Variants in GABRR1 observed in about 807,000 individuals in gnomAD.
GABRR1 encodes the protein gamma-aminobutyric acid receptor subunit rho-1.
A neutral mutation model predicts 55.5 loss-of-function variants in GABRR1; 59 were observed. That is an observed-to-expected ratio of 1.06 (90% confidence interval 0.86 to 1.32). The LOEUF is 1.32. GABRR1 is among the 40% of genes most tolerant of loss of function. The pLI, the probability that GABRR1 is intolerant of heterozygous loss-of-function variation, is 0.00. For synonymous variants in GABRR1, 213 were observed against 226.0 expected, an observed-to-expected ratio of 0.94 and a Z score of 0.51; for missense variants, 602 against 619.1, an observed-to-expected ratio of 0.97 and a Z score of 0.29.
intron 4 of GABRR1, among the ~76,000 whole-genome samples, chr6:89,199,161 G>C (rs561210292): frequency 2.8e-4 from 42 of 152,266 alleles, no homozygotes; most frequent in East Asian, 2.7e-3. Flanking sequence ...AGTGAGAAAG[G>C]TTAAGCTTGT....
chr6:89,209,814 C>T (rs1429126140), intron 1 of GABRR1, among the ~76,000 whole-genome samples: 1 of 152,128 alleles, frequency 6.6e-6, no homozygotes, highest in African/African-American at 2.4e-5. Context: ...GGGCAGGTTA[C>T]CTGATCTTTC....
At chr6:89,183,452 G>A (rs1048421067) in intron 7 of GABRR1, among the ~76,000 whole-genome samples, 1 of 151,986 alleles carries the variant, frequency 6.6e-6, no homozygotes. Flanking sequence ...GGAAGACCAT[G>A]GGGTACTTAA....
intron 3 of GABRR1, among the ~76,000 whole-genome samples, chr6:89,200,360 TGCCTCA>T (rs1772428479): frequency 6.7e-6 from 1 of 148,554 alleles, no homozygotes; most frequent in African/African-American, 2.5e-5. Context: ...GCAATTCTCC[TGCCTCA>T]GCCTCCTGAA....
At chr6:89,209,151 T>TA (rs149738093) in intron 1 of GABRR1, among the ~76,000 whole-genome samples, 26,594 of 151,588 alleles carry the variant, frequency 0.18, 2,926 homozygotes, top group African/African-American at 0.31. Context: ...GTTGCGGGCT[T>TA]AAAAAAAAAT....
At chr6:89,187,158 T>C (rs1771928905) in intron 6 of GABRR1, among the ~76,000 whole-genome samples, 2 of 152,072 alleles carry the variant, frequency 1.3e-5, no homozygotes. Context: ...TGCATGTGGA[T>C]CATTTTATAC....
intron 3 of GABRR1, among the ~76,000 whole-genome samples, chr6:89,199,984 T>C (rs912983760): frequency 6.6e-6 from 1 of 152,144 alleles, no homozygotes; most frequent in Non-Finnish European, 1.5e-5. Context: ...TTCTGGGCCA[T>C]ACGGACTAAA....
chr6:89,207,722 G>A lies in GABRR1; in HGVS notation c.123-4237C>T, dbSNP rs796338919. 1.9e-4 allele frequency among the ~76,000 whole-genome samples: 29 copies of A among 152,308 alleles called. 1 individual carries two copies. The highest frequency in any genetic ancestry group is 7.0e-4 in the African/African-American group (29 of 41,578). ...AGCTTAAAAAATCCCAGGCCACAGA[G>A]CAGACCAATTAAATCAGAACCTCTA... On this transcript the variant is annotated intron_variant, in intron 1 of 9. Coordinates refer to ENST00000454853, the MANE Select transcript of GABRR1 (RefSeq NM_002042.5).
chr6:89,226,012 C>A (rs1380006485), intron 1 of GABRR1, among the ~76,000 whole-genome samples: 1 of 151,424 alleles, frequency 6.6e-6, no homozygotes, highest in Non-Finnish European at 1.5e-5. Context: ...TCTCTGATGG[C>A]CAGTGATGAT....
At chr6:89,182,161 A>C in intron 7 of GABRR1, 104 bp from the exon 8 acceptor site, 1 of 1,062,344 alleles carries the variant, frequency 9.4e-7, no homozygotes, top group Admixed American at 2.3e-5. Context: ...ATGGACTCTT[A>C]TCATGTCTTT....
upstream of GABRR1, among the ~76,000 whole-genome samples, chr6:89,219,351 G>A (rs1184131512): frequency 6.6e-6 from 1 of 152,136 alleles, no homozygotes; most frequent in Non-Finnish European, 1.5e-5. Flanking sequence ...AGCTAATTTG[G>A]AATCATTCAA....
intron 1 of GABRR1, among the ~76,000 whole-genome samples, chr6:89,214,808 T>G (rs1772937353): frequency 6.6e-6 from 1 of 152,112 alleles, no homozygotes; most frequent in Non-Finnish European, 1.5e-5. Flanking sequence ...GAGGATCACT[T>G]GAAGCCAGGA....
intron 1 of GABRR1, among the ~76,000 whole-genome samples, chr6:89,212,455 T>C (rs1467378230): frequency 6.6e-6 from 1 of 151,500 alleles, no homozygotes. Flanking sequence ...GCTGAGACCA[T>C]TCAGCTCCTC....
At position 89,198,136 on chromosome 6, in the gene GABRR1, C is replaced by T; in HGVS notation, c.456G>A (p.Lys152=). ...CGAAAAACATGTCAGGGACCCAGAT[C>T]TTCTTGACCAGCCGGCCGTCAAACG... ...SMTFDGRLVK[K]IWVPDMFFVH... Residue 152 remains lysine (K), a synonymous_variant, in exon 5 of 10, where the codon AAG becomes AAA. Coordinates refer to ENST00000454853, the MANE Select transcript of GABRR1 (RefSeq NM_002042.5). The T allele has an allele frequency of 6.2e-7, 1 of 1,614,096 alleles. No individual in the cohort carries two copies. The highest frequency in any genetic ancestry group is 8.5e-7 in the Non-Finnish European group (1 of 1,180,020).
At chr6:89,182,156 C>T (rs536936721) in intron 7 of GABRR1, 99 bp from the exon 8 acceptor site, 1 of 1,117,878 alleles carries the variant, frequency 8.9e-7, no homozygotes, top group South Asian at 1.6e-5. Flanking sequence ...CTCCAATGGA[C>T]TCTTATCATG....
upstream of GABRR1, chr6:89,217,640 T>G (rs947195851): frequency 2.2e-5 from 5 of 229,682 alleles, no homozygotes; most frequent in Admixed American, 2.7e-4. Flanking sequence ...TCTTATTTTC[T>G]GGTGCGTCGA....
intron 7 of GABRR1, among the ~76,000 whole-genome samples, chr6:89,184,882 TTTC>T (rs1433989820): frequency 1.7e-5 from 2 of 119,180 alleles, no homozygotes; most frequent in Admixed American, 8.6e-5. Context: ...GTTTCTTTTC[TTTC>T]TTTTTTTTTT....
At chr6:89,190,118 G>C (rs768221333) in intron 6 of GABRR1, 47 bp downstream of exon 6, 14 of 1,335,038 alleles carry the variant, frequency 1.0e-5, no homozygotes, top group Non-Finnish European at 1.5e-5. Flanking sequence ...GAGGTGTTGA[G>C]AATTATCAGG....
chr6:89,230,751 C>G (rs1394003901), intron 1 of GABRR1, among the ~76,000 whole-genome samples: 2 of 151,976 alleles, frequency 1.3e-5, no homozygotes, highest in East Asian at 3.9e-4. Flanking sequence ...GTGGAGCCTA[C>G]AGTGGCAGGC....
intron 5 of GABRR1, among the ~76,000 whole-genome samples, chr6:89,192,328 C>G (rs2127795199): frequency 6.6e-6 from 1 of 152,268 alleles, no homozygotes; most frequent in Admixed American, 6.5e-5. Context: ...TAAGTACAGT[C>G]TGATCCCACT....
Sources: allele counts gnomAD v4.1 joint callset (sites outside exome capture counted in the v4.1 genomes callset), GRCh38; gene constraint gnomAD v4.1.1; transcripts MANE v1.5; gene names NCBI Gene and HGNC (gene_info 2026-07-23, HGNC 2026-07-21).